GNPTAB: variants seen among roughly 807,000 people sequenced by gnomAD.
GNPTAB encodes the protein N-acetylglucosamine-1-phosphotransferase subunits alpha/beta.
A neutral mutation model predicts 136.6 loss-of-function variants in GNPTAB; 92 were observed. The ratio of observed to expected loss-of-function variants is 0.67; its 90% confidence interval spans 0.57 to 0.80. GNPTAB has a LOEUF of 0.80. Ranked by LOEUF, GNPTAB falls within the 30% of genes least tolerant of loss-of-function variation. GNPTAB has a pLI of 0.00. For missense variants in GNPTAB, 1,343 were observed against 1,501.8 expected, an observed-to-expected ratio of 0.89 and a Z score of 1.75; for synonymous variants, 512 against 535.1, an observed-to-expected ratio of 0.96 and a Z score of 0.60.
intron 3 of GNPTAB, 138 bp from the exon 4 acceptor site, chr12:101,788,727 G>A (rs1410776625): frequency 4.5e-6 from 3 of 663,836 alleles, no homozygotes; most frequent in Non-Finnish European, 8.2e-6. Flanking sequence ...CCATTTTCAT[G>A]CACTGGGAAA....
In GNPTAB at chr12:101,788,555, T is replaced by TAGA; in HGVS notation, c.357_358insTCT (p.Thr119_Lys120insSer). 6.4e-7 allele frequency: 1 copy of TAGA among 1,561,930 alleles called. No homozygotes were observed. Among genetic ancestry groups the TAGA allele is most frequent in the African/African-American group, 1.3e-5 (1 of 74,082 alleles). On this transcript the variant is annotated inframe_insertion, in exon 4 of 21. Transcript: ENST00000299314. ...GGAAATCAAAATGCTTACCTCTTCT[T>TAGA]AGTAGGTTCCGTTGTGTTTTTCCCA...
chr12:101,747,122 C>T lies in GNPTAB; in HGVS notation c.*42G>A. The stretch of plus-strand genomic sequence containing the variant: ...CTCTGTGAAGCTGAGTTTTAAAATG[C>T]TCAGTAAATGCTGAGGTAGATGGTT... On this transcript the variant is annotated 3_prime_UTR_variant, in exon 21 of 21. Transcript: ENST00000299314. 1 of 1,108,948 alleles carries T rather than the reference C, an allele frequency of 9.0e-7. No homozygotes were observed. Among genetic ancestry groups the T allele is most frequent in the South Asian group, 1.2e-5 (1 of 80,994 alleles). 68.7% of individuals were successfully genotyped at this position (1,108,948 alleles called of 1,614,324 possible).
intron 19 of GNPTAB, among the ~76,000 whole-genome samples, chr12:101,752,442 C>T (rs1952834752): frequency 6.6e-6 from 1 of 152,134 alleles, no homozygotes; most frequent in South Asian, 2.1e-4. Flanking sequence ...CAAAACAAAA[C>T]AAACTGCTTA....
intron 1 of GNPTAB, among the ~76,000 whole-genome samples, chr12:101,803,827 T>A (rs1306305873): frequency 6.6e-6 from 1 of 152,154 alleles, no homozygotes; most frequent in African/African-American, 2.4e-5. Flanking sequence ...TCATGACATA[T>A]TTTTCCACGG....
rs138967555 is a variant in GNPTAB at position 101,795,650 on chromosome 12, G to A, written c.203+1027C>T. ...TGCCTGTAATCCCAGCTACTTGGGA[G>A]GCTGAGGCAGGAGAATCGCTTGAAT... On this transcript the variant is annotated intron_variant, in intron 2 of 20. Transcript: ENST00000299314. Among the ~76,000 whole-genome samples, 360 of 152,150 alleles carry A rather than the reference G, an allele frequency of 2.4e-3. 14 individuals are homozygous for A. The East Asian group carries it at 0.061, about 26-fold the overall frequency.
At chr12:101,758,348 AT>A (rs1442556271) in intron 16 of GNPTAB, among the ~76,000 whole-genome samples, 6 of 150,200 alleles carry the variant, frequency 4.0e-5, no homozygotes, top group Admixed American at 2.6e-4. Context: ...CAATTTTTGT[AT>A]TTTTTAGTAT....
chr12:101,810,969 A>C (rs1870199471), intron 1 of GNPTAB, among the ~76,000 whole-genome samples: 1 of 152,198 alleles, frequency 6.6e-6, no homozygotes, highest in Non-Finnish European at 1.5e-5. Flanking sequence ...AAAGACGGTG[A>C]CTGCAGCAGT....
intron 1 of GNPTAB, among the ~76,000 whole-genome samples, chr12:101,797,579 G>A (rs919575502): frequency 1.1e-4 from 16 of 152,106 alleles, no homozygotes; most frequent in African/African-American, 2.4e-4. Flanking sequence ...AGCCAAGATC[G>A]CGCCACTGCA....
chr12:101,750,873 C>T (rs1036067700), intron 19 of GNPTAB, among the ~76,000 whole-genome samples: 61 of 152,288 alleles, frequency 4.0e-4, no homozygotes, highest in African/African-American at 1.2e-3. Flanking sequence ...TCTCCCAGTT[C>T]GTCTATTGCT....
At chr12:101,752,019 TA>T (rs5800485) in intron 19 of GNPTAB, among the ~76,000 whole-genome samples, 84,515 of 145,852 alleles carry the variant, frequency 0.58, 24,090 homozygotes, top group African/African-American at 0.69. Context: ...ACAGTTAAGT[TA>T]AAAAAAAAAA....
chr12:101,785,184 A>G (rs910574143), intron 5 of GNPTAB, among the ~76,000 whole-genome samples: 18 of 152,210 alleles, frequency 1.2e-4, no homozygotes, highest in Admixed American at 5.9e-4. Context: ...ATAACGTCAC[A>G]TGGTGGAGAG....
rs1296697509 is a variant in GNPTAB at position 101,830,641 on chromosome 12, G to A, written c.35C>T (p.Thr12Ile). Residue 12 changes from threonine to isoleucine, a missense_variant, in exon 1 of 21, where the codon ACC becomes ATC. Physicochemically the swap from Thr to Ile is moderately conservative, Grantham distance 89. Coordinates refer to ENST00000299314, the MANE Select transcript of GNPTAB (RefSeq NM_024312.5). ...GAGCCCATACCTGTGGGACAGGCAG[G>A]TATAGGTCTGTCTCTGCAGGAGCTT... The part of the protein sequence containing the change: ...LFKLLQRQTY[T>I]CLSHRYGLYV... 3.1e-6 allele frequency: 5 copies of A among 1,611,034 alleles called. No homozygotes were observed. Among genetic ancestry groups the A allele is most frequent in the South Asian group, 1.1e-5 (1 of 91,036 alleles).
At chr12:101,784,463 C>G (rs1868516206) in intron 5 of GNPTAB, among the ~76,000 whole-genome samples, 1 of 152,114 alleles carries the variant, frequency 6.6e-6, no homozygotes. Flanking sequence ...AAGTTTGTAT[C>G]CATGTGAAAA....
At position 101,830,890 on chromosome 12, in the gene GNPTAB, G is replaced by T. The variant is rs1213609982; in HGVS notation, c.-215C>A. On this transcript the variant is annotated 5_prime_UTR_variant, in exon 1 of 21. Transcript: ENST00000299314. Reference sequence around the variant, plus strand: ...AGCCGGGAGCCCACGCCCTCGGCGCGGCGGAGGCGGACCTGCGGCCGGCGA... The same window carrying T: ...AGCCGGGAGCCCACGCCCTCGGCGCTGCGGAGGCGGACCTGCGGCCGGCGA... 1 of 148,058 alleles carries T rather than the reference G, an allele frequency of 6.8e-6. No individual in the cohort carries two copies. Among genetic ancestry groups the T allele is most frequent in the Non-Finnish European group, 1.5e-5 (1 of 66,526 alleles). The allele number at this position is 148,058 out of a possible 1,614,324, so 9.2% of individuals were successfully genotyped here. A position where few individuals can be genotyped will look rare whatever the true frequency, so the allele number is the denominator to read the frequency against.
intron 7 of GNPTAB, among the ~76,000 whole-genome samples, chr12:101,774,793 A>G (rs569141377): frequency 1.2e-4 from 18 of 152,354 alleles, no homozygotes; most frequent in African/African-American, 3.8e-4. Flanking sequence ...ATTGGCTTTA[A>G]AAACAATAGT....
chr12:101,780,674 G>A (rs1190139189), intron 5 of GNPTAB, 53 bp from the exon 6 acceptor site: 5 of 1,128,852 alleles, frequency 4.4e-6, no homozygotes, highest in African/African-American at 1.5e-5. Flanking sequence ...ACTCAACTAT[G>A]GTGTCTGGCA....
At chr12:101,768,186 A>C (rs1953122521) in intron 10 of GNPTAB, 26 bp from the exon 11 acceptor site, 2 of 1,613,012 alleles carry the variant, frequency 1.2e-6, no homozygotes. Context: ...AGAGAAAATA[A>C]AATGACTTCT....
At chr12:101,786,933 A>G (rs1169699975) in intron 4 of GNPTAB, among the ~76,000 whole-genome samples, 1 of 152,248 alleles carries the variant, frequency 6.6e-6, no homozygotes, top group African/African-American at 2.4e-5. Flanking sequence ...ACTCAATATT[A>G]GCACAAGTGC....
intron 18 of GNPTAB, among the ~76,000 whole-genome samples, 199 bp from the exon 19 acceptor site, chr12:101,753,738 G>A (rs1428881150): frequency 6.6e-6 from 1 of 152,194 alleles, no homozygotes; most frequent in Non-Finnish European, 1.5e-5. Flanking sequence ...GAGAACTAGG[G>A]TAGATGGCCT....
Sources: allele counts gnomAD v4.1 joint callset (sites outside exome capture counted in the v4.1 genomes callset), GRCh38; gene constraint gnomAD v4.1.1; transcripts MANE v1.5; gene names NCBI Gene and HGNC (gene_info 2026-07-23, HGNC 2026-07-21).